Variants in TRPC4AP observed in about 807,000 individuals in gnomAD.
The protein encoded by TRPC4AP is short transient receptor potential channel 4-associated protein.
In TRPC4AP, 45 loss-of-function variants were observed where a neutral mutation model predicts 99.0. The observed-to-expected ratio is 0.45, with a 90% CI of 0.36 to 0.58. The LOEUF (loss-of-function observed/expected upper bound fraction) is 0.58, where lower values mean the gene tolerates loss of function less well. TRPC4AP is among the 20% of genes least tolerant of loss of function. The probability of loss-of-function intolerance (pLI) is 0.00; values close to 1 mark genes in which losing one functional copy is unlikely to be tolerated. For synonymous variants in TRPC4AP, 408 were observed against 385.8 expected, an observed-to-expected ratio of 1.06 and a Z score of -0.67; for missense variants, 879 against 985.3, an observed-to-expected ratio of 0.89 and a Z score of 1.44.
chr20:35,017,786 A>T (rs947851073), intron 9 of TRPC4AP, among the ~76,000 whole-genome samples: 1 of 152,202 alleles, frequency 6.6e-6, no homozygotes, highest in Non-Finnish European at 1.5e-5. Flanking sequence ...AGGTTGTGTA[A>T]AAGTAATTGC....
At position 35,008,758 on chromosome 20, in the gene TRPC4AP, A is replaced by G; in HGVS notation, c.1512-11T>C. 1 of 1,612,768 alleles carries G rather than the reference A, an allele frequency of 6.2e-7. No individual in the cohort carries two copies. Among genetic ancestry groups the G allele is most frequent in the Non-Finnish European group, 8.5e-7 (1 of 1,179,018 alleles). The stretch of plus-strand genomic sequence containing the variant: ...TCACACACCAAACTCCTGAAATAGA[A>G]GAGAGATATTGGTGACAGATCTGAG... On this transcript the variant is annotated splice_polypyrimidine_tract_variant and intron_variant, in intron 12 of 18. Transcript: ENST00000252015.
chr20:35,007,524 A>G (rs1182600112), intron 14 of TRPC4AP, 26 bp downstream of exon 14: 6 of 1,612,706 alleles, frequency 3.7e-6, no homozygotes, highest in Non-Finnish European at 4.2e-6. Flanking sequence ...GACGGAACCC[A>G]AGACACTGGC....
intron 11 of TRPC4AP, among the ~76,000 whole-genome samples, chr20:35,011,560 T>C (rs924470269): frequency 6.6e-6 from 1 of 152,170 alleles, no homozygotes; most frequent in Non-Finnish European, 1.5e-5. Context: ...ATTCTACTTC[T>C]GTACCATTGT....
At chr20:35,017,382 T>C (rs1232190516) in intron 9 of TRPC4AP, among the ~76,000 whole-genome samples, 1 of 152,210 alleles carries the variant, frequency 6.6e-6, no homozygotes, top group African/African-American at 2.4e-5. Context: ...GAATAGAATG[T>C]CAAGGATCAG....
intron 5 of TRPC4AP, among the ~76,000 whole-genome samples, chr20:35,052,240 T>TA (rs11480740): frequency 0.59 from 88,987 of 151,562 alleles, 27,097 homozygotes; most frequent in Middle Eastern, 0.74. Context: ...GCTGGGACTA[T>TA]GGTATATAAC....
chr20:35,082,003 AAAC>A lies in TRPC4AP; in HGVS notation c.169-3832_169-3830del, dbSNP rs753212891. Among the ~76,000 whole-genome samples the A allele has an allele frequency of 2.9e-3, 435 of 152,188 alleles. 1 individual carries two copies. Among genetic ancestry groups the A allele is most frequent in the African/African-American group, 9.8e-3 (408 of 41,528 alleles). ...CTGTCTCAAAAACAAAACAAAACAA[AAAC>A]AACAACAACAACAAAGTACTACCAG... On this transcript the variant is annotated intron_variant, in intron 1 of 18. Transcript: ENST00000252015.
chr20:35,052,611 T>C (rs1445348961), intron 5 of TRPC4AP, among the ~76,000 whole-genome samples: 2 of 151,836 alleles, frequency 1.3e-5, no homozygotes, highest in African/African-American at 4.8e-5. Context: ...TTCTCTTGCC[T>C]CTCCTGAGTA....
intron 6 of TRPC4AP, among the ~76,000 whole-genome samples, chr20:35,045,233 A>C (rs964744154): frequency 6.6e-6 from 1 of 152,204 alleles, no homozygotes; most frequent in African/African-American, 2.4e-5. Context: ...TTTCCATTAA[A>C]ATACATGTTA....
At chr20:35,036,886 C>A in intron 7 of TRPC4AP, among the ~76,000 whole-genome samples, 1 of 151,934 alleles carries the variant, frequency 6.6e-6, no homozygotes, top group African/African-American at 2.4e-5. Flanking sequence ...GCAGAGGTTG[C>A]AGTGAGCTGA....
intron 1 of TRPC4AP, 35 bp from the exon 2 acceptor site, chr20:35,078,209 AT>A (rs777790575): frequency 1.2e-6 from 2 of 1,600,956 alleles, no homozygotes. Context: ...ATATTATTGT[AT>A]TATTGATGAT....
At chr20:35,057,657 G>A (rs1218309847) in intron 3 of TRPC4AP, 86 bp from the exon 4 acceptor site, 9 of 1,103,094 alleles carry the variant, frequency 8.2e-6, no homozygotes, top group Admixed American at 1.9e-5. Flanking sequence ...CATGGCCCAT[G>A]TATCTGTCAC....
At chr20:35,088,684 G>C (rs866308345) in intron 1 of TRPC4AP, among the ~76,000 whole-genome samples, 1 of 152,290 alleles carries the variant, frequency 6.6e-6, no homozygotes, top group Middle Eastern at 3.4e-3. Context: ...AGTTAAGAGA[G>C]GTTAAATAAC....
intron 2 of TRPC4AP, among the ~76,000 whole-genome samples, chr20:35,077,253 G>A (rs142281985): frequency 0.014 from 2,203 of 152,194 alleles, 32 homozygotes; most frequent in Middle Eastern, 0.037. Context: ...CTCACACTCC[G>A]TGGACTGCAC....
chr20:35,016,053 A>C lies in TRPC4AP; in HGVS notation c.1305T>G (p.Ser435=). ...DKLIWRKHSA[S]ALVLHGHNQN... is the part of the protein sequence containing the mutation. ...GGTTGTGACCATGGAGGACAAGGGC[A>C]GATGCTGAATGCTTCCTCCAAATCA... The change falls in exon 10 of 19, where the codon TCT becomes TCG. Residue 435 remains serine (S), a synonymous_variant. Transcript: ENST00000252015. The C allele has an allele frequency of 6.2e-7, 1 of 1,614,250 alleles. No homozygotes were observed. The highest frequency in any genetic ancestry group is 8.5e-7 in the Non-Finnish European group (1 of 1,180,040).
At chr20:35,076,777 A>G (rs2084490608) in intron 2 of TRPC4AP, among the ~76,000 whole-genome samples, 1 of 151,992 alleles carries the variant, frequency 6.6e-6, no homozygotes, top group South Asian at 2.1e-4. Context: ...GAGAACCACT[A>G]CTCTCTTCAA....
In TRPC4AP at chr20:35,005,729, G is replaced by T. The variant is rs1419152835; in HGVS notation, c.1902C>A (p.Ser634=). ...SNMLVRCVTL[S]LDRFENQVDM... ...CCACCTGGTTTTCAAATCGGTCCAGGGACAGAGTGACACAGCGCACCAGCA... is the reference window on the plus strand; with the variant it reads ...CCACCTGGTTTTCAAATCGGTCCAGTGACAGAGTGACACAGCGCACCAGCA... Residue 634 remains serine, a synonymous_variant, in exon 16 of 19, where the codon TCC becomes TCA. Coordinates refer to ENST00000252015, the MANE Select transcript of TRPC4AP (RefSeq NM_015638.3). 6.2e-7 allele frequency: 1 copy of T among 1,614,180 alleles called. No homozygotes were observed. The highest frequency in any genetic ancestry group is 8.5e-7 in the Non-Finnish European group (1 of 1,180,012).
chr20:35,084,491 T>A (rs1263382689), intron 1 of TRPC4AP, among the ~76,000 whole-genome samples: 1 of 118,800 alleles, frequency 8.4e-6, no homozygotes, highest in South Asian at 2.4e-4. Context: ...TATATATGTA[T>A]ATATCTATAT....
At chr20:35,008,800 T>C in intron 12 of TRPC4AP, 53 bp from the exon 13 acceptor site, 1 of 1,519,710 alleles carries the variant, frequency 6.6e-7, no homozygotes, top group Admixed American at 1.7e-5. Flanking sequence ...ACAGGGGCCC[T>C]GGGGATGGGT....
Position 35,006,360 on chromosome 20 carries a change from A to G in TRPC4AP, c.1827+75T>C. 1.9e-6 allele frequency: 3 copies of G among 1,563,846 alleles called. No individual in the cohort carries two copies. In the South Asian group the frequency reaches 3.5e-5, roughly 18 times the overall value. On this transcript the variant is annotated intron_variant, in intron 15 of 18. Coordinates refer to ENST00000252015, the MANE Select transcript of TRPC4AP (RefSeq NM_015638.3). ...TCTCTAACGTAAAACCTGTGCCTAA[A>G]GCCTGGCAGACCAGGACTCCAGGTG...
Sources: gnomAD v4.1 joint callset for allele counts (sites outside exome capture counted in the v4.1 genomes callset) on GRCh38, gnomAD v4.1.1 for gene constraint, MANE v1.5 for transcripts, NCBI Gene and HGNC (gene_info 2026-07-23, HGNC 2026-07-21) for gene names.